The following SLC2A13 variants were observed in gnomAD, a reference collection of about 807,000 sequenced individuals.
SLC2A13 encodes the protein proton myo-inositol cotransporter.
Under a neutral mutation model 64.4 loss-of-function variants are expected in SLC2A13, and 32 were observed. The ratio of observed to expected loss-of-function variants is 0.50; its 90% CI spans 0.37 to 0.67. The LOEUF is 0.67. Ranked by LOEUF, SLC2A13 falls within the 30% of genes least tolerant of loss-of-function variation. SLC2A13 has a pLI of 0.00. For missense variants in SLC2A13, 743 were observed against 829.2 expected, an observed-to-expected ratio of 0.90 and a Z score of 1.28; for synonymous variants, 338 against 327.1, an observed-to-expected ratio of 1.03 and a Z score of -0.36.
chr12:40,067,545 CATTTT>C (rs1165388294), intron 1 of SLC2A13, among the ~76,000 whole-genome samples: 1 of 151,902 alleles, frequency 6.6e-6, no homozygotes, highest in East Asian at 1.9e-4. Flanking sequence ...CCTTTTAAAC[CATTTT>C]ATTTATACAG....
intron 7 of SLC2A13, among the ~76,000 whole-genome samples, chr12:39,828,074 A>C (rs1214937475): frequency 6.6e-6 from 1 of 152,124 alleles, no homozygotes; most frequent in Non-Finnish European, 1.5e-5. Context: ...ACCAACAAAA[A>C]TACTATTATA....
chr12:40,099,911 A>G (rs917528983), intron 1 of SLC2A13, among the ~76,000 whole-genome samples: 2 of 152,140 alleles, frequency 1.3e-5, no homozygotes, highest in Non-Finnish European at 2.9e-5. Flanking sequence ...AAAAAAAAAA[A>G]ATTTGAGCAC....
chr12:39,813,515 A>G (rs2135811334), intron 7 of SLC2A13, among the ~76,000 whole-genome samples: 1 of 152,322 alleles, frequency 6.6e-6, no homozygotes, highest in Non-Finnish European at 1.5e-5. Context: ...TATCTCTGCA[A>G]GGACTTAAAA....
chr12:39,900,076 C>T (rs1467963512), intron 4 of SLC2A13, among the ~76,000 whole-genome samples: 1 of 152,068 alleles, frequency 6.6e-6, no homozygotes, highest in African/African-American at 2.4e-5. Context: ...ATAAACAGAA[C>T]CAAAGACAAA....
rs1028921555 is a variant in SLC2A13, at chr12:39,864,681, T to C, written c.1319+81A>G. On this transcript the variant is annotated intron_variant, in intron 6 of 9. Coordinates refer to ENST00000280871, the MANE Select transcript of SLC2A13 (RefSeq NM_052885.4). ...GATGCCCAGCAAGCTCCTACTCATCTCTACAACTTTAAAAAAGTTAAAAGC... is the reference window on the plus strand; with the variant it reads ...GATGCCCAGCAAGCTCCTACTCATCCCTACAACTTTAAAAAAGTTAAAAGC... The C allele has an allele frequency of 3.2e-6, 5 of 1,556,900 alleles. No individual in the cohort carries two copies. The African/African-American group carries it at 6.9e-5, about 21-fold the overall frequency.
At chr12:39,764,901 C>T in intron 7 of SLC2A13, 43 bp from the exon 8 acceptor site, 3 of 1,589,998 alleles carry the variant, frequency 1.9e-6, no homozygotes, top group Non-Finnish European at 2.6e-6. Flanking sequence ...ATGTTTTTGA[C>T]TACAGTTGCA....
chr12:39,778,649 C>A (rs974425781), intron 7 of SLC2A13, among the ~76,000 whole-genome samples: 5 of 151,990 alleles, frequency 3.3e-5, no homozygotes, highest in Admixed American at 1.3e-4. Context: ...CAGTGGCAAC[C>A]AGTAAAATAG....
chr12:39,820,375 T>C (rs931060037), intron 7 of SLC2A13, among the ~76,000 whole-genome samples: 1 of 152,214 alleles, frequency 6.6e-6, no homozygotes, highest in African/African-American at 2.4e-5. Context: ...GTTTTCAAAC[T>C]GTAGGAATTG....
intron 3 of SLC2A13, among the ~76,000 whole-genome samples, chr12:40,006,470 C>T (rs1215738342): frequency 2.0e-5 from 3 of 152,088 alleles, no homozygotes; most frequent in East Asian, 3.8e-4. Flanking sequence ...AAAGCATTTG[C>T]CACCATAACT....
intron 3 of SLC2A13, among the ~76,000 whole-genome samples, chr12:39,977,576 C>T (rs1198883907): frequency 6.6e-6 from 1 of 152,180 alleles, no homozygotes; most frequent in Non-Finnish European, 1.5e-5. Context: ...CCTTCAAAGT[C>T]ATCTTGGGAG....
At chr12:39,762,504 T>C (rs1031764762) in intron 9 of SLC2A13, among the ~76,000 whole-genome samples, 1 of 147,784 alleles carries the variant, frequency 6.8e-6, no homozygotes, top group African/African-American at 2.5e-5. Flanking sequence ...ATTGGTGATA[T>C]AGCAATGATA....
chr12:39,971,904 G>A (rs1485248380), intron 3 of SLC2A13, among the ~76,000 whole-genome samples: 8 of 149,492 alleles, frequency 5.4e-5, no homozygotes, highest in African/African-American at 2.0e-4. Flanking sequence ...GAGCCCAGGA[G>A]GCGGAGGTTG....
At chr12:39,863,491 A>G (rs186950452) in intron 6 of SLC2A13, among the ~76,000 whole-genome samples, 11 of 152,296 alleles carry the variant, frequency 7.2e-5, no homozygotes, top group African/African-American at 2.6e-4. Flanking sequence ...AGAATATTCT[A>G]TGATTCTCAA....
At chr12:39,818,207 C>T (rs1592167108) in intron 7 of SLC2A13, among the ~76,000 whole-genome samples, 1 of 151,986 alleles carries the variant, frequency 6.6e-6, no homozygotes, top group Non-Finnish European at 1.5e-5. Context: ...CTAAAATCAT[C>T]TGATTCCCCC....
At chr12:39,838,921 T>G (rs1483051423) in intron 6 of SLC2A13, among the ~76,000 whole-genome samples, 2 of 152,088 alleles carry the variant, frequency 1.3e-5, no homozygotes, top group Non-Finnish European at 1.5e-5. Context: ...AAAATGCCTG[T>G]CTCTAGAATG....
rs566667523 is a variant in SLC2A13, at chr12:39,989,946, C to T, written c.925+38355G>A. 3.3e-5 allele frequency among the ~76,000 whole-genome samples: 5 copies of T among 152,272 alleles called. No homozygotes were observed. In the South Asian group the frequency reaches 1.0e-3, roughly 32 times the overall value. ...CTTAGTGATCGGTTTATGGTTGCAT[C>T]CACACTTGGGTTTTTTGGCCACAAA... On this transcript the variant is annotated intron_variant, in intron 3 of 9. Coordinates refer to ENST00000280871, the MANE Select transcript of SLC2A13 (RefSeq NM_052885.4).
At chr12:39,784,161 A>G (rs1175524329) in intron 7 of SLC2A13, among the ~76,000 whole-genome samples, 4 of 152,196 alleles carry the variant, frequency 2.6e-5, no homozygotes, top group South Asian at 4.1e-4. Context: ...AAGGTAATTT[A>G]TAGATTCAAT....
At chr12:40,090,027 T>C (rs544560075) in intron 1 of SLC2A13, among the ~76,000 whole-genome samples, 4 of 152,232 alleles carry the variant, frequency 2.6e-5, no homozygotes, top group African/African-American at 9.6e-5. Flanking sequence ...TTTCAGAGAT[T>C]AAAGTTTATT....
intron 6 of SLC2A13, among the ~76,000 whole-genome samples, chr12:39,856,229 C>T (rs1943602871): frequency 6.6e-6 from 1 of 152,154 alleles, no homozygotes; most frequent in Admixed American, 6.5e-5. Context: ...CTTCATCCAT[C>T]TATCCATGCA....
Sources: gnomAD v4.1 joint callset for allele counts (sites outside exome capture counted in the v4.1 genomes callset) on GRCh38, gnomAD v4.1.1 for gene constraint, MANE v1.5 for transcripts, NCBI Gene and HGNC (gene_info 2026-07-23, HGNC 2026-07-21) for gene names.